SH3BGRL2: variants seen among roughly 807,000 people sequenced by gnomAD.
SH3BGRL2 encodes the protein SH3 domain binding glutamate rich protein like 2.
SH3BGRL2 carries 21 observed loss-of-function variants against 14.8 expected under a neutral mutation model. The observed-to-expected ratio is 1.42, with a 90% CI of 1.01 to 2.05. SH3BGRL2 has a LOEUF of 2.05. Among genes scored for constraint, SH3BGRL2 ranks in the 30% most tolerant of loss-of-function variants. SH3BGRL2 has a pLI of 0.00. For synonymous variants in SH3BGRL2, 50 were observed against 47.8 expected (o/e 1.05, Z -0.19); for missense variants, 147 against 130.8 (o/e 1.12, Z -0.61).
the SH3BGRL2 span, among the ~76,000 whole-genome samples, chr6:79,576,956 A>G: frequency 9.2e-5 from 14 of 152,132 alleles, no homozygotes; most frequent in Admixed American, 3.3e-4. Flanking sequence ...CTCAGTGTAC[A>G]TTTTCTCACA....
chr6:79,639,182 C>G (rs1768984572), intron 1 of SH3BGRL2, among the ~76,000 whole-genome samples: 1 of 151,790 alleles, frequency 6.6e-6, no homozygotes, highest in Non-Finnish European at 1.5e-5. Context: ...TTTTTTCTAT[C>G]AAATTAGAAA....
the SH3BGRL2 span, among the ~76,000 whole-genome samples, chr6:79,539,108 G>T: frequency 2.6e-5 from 4 of 152,064 alleles, no homozygotes; most frequent in Non-Finnish European, 5.9e-5. Context: ...CTTACAGTGT[G>T]CAATTTTATT....
At chr6:79,544,063 G>C in the SH3BGRL2 span, among the ~76,000 whole-genome samples, 5 of 152,184 alleles carry the variant, frequency 3.3e-5, no homozygotes, top group Non-Finnish European at 5.9e-5. Context: ...ACCCTGCAGG[G>C]GATAGAATAC....
chr6:79,637,362 T>C (rs1562144103), intron 1 of SH3BGRL2, among the ~76,000 whole-genome samples: 1 of 152,208 alleles, frequency 6.6e-6, no homozygotes, highest in Non-Finnish European at 1.5e-5. Flanking sequence ...TTGAAGAAAC[T>C]AATTTTTTTT....
chr6:79,593,613 C>G, the SH3BGRL2 span, among the ~76,000 whole-genome samples: 4 of 152,166 alleles, frequency 2.6e-5, no homozygotes, highest in Non-Finnish European at 4.4e-5. Flanking sequence ...AATTTCCATC[C>G]TGGTGTGGGG....
At position 79,701,987 on chromosome 6, in the gene SH3BGRL2, G is replaced by A. The variant is rs573505422; in HGVS notation, c.*2478G>A. On this transcript the variant is annotated 3_prime_UTR_variant, in exon 4 of 4. Transcript: ENST00000369838. Reference sequence around the variant, plus strand: ...CTGTAGTAGGCTTGCTGGAGCAAAGGAAATGTGCTGCTAAAAATCAACTTA... The same window carrying A: ...CTGTAGTAGGCTTGCTGGAGCAAAGAAAATGTGCTGCTAAAAATCAACTTA... The A allele has an allele frequency of 4.6e-5, 7 of 152,694 alleles. No homozygotes were observed. The highest frequency in any genetic ancestry group is 1.7e-4 in the African/African-American group (7 of 41,550). The allele number at this position is 152,694 out of a possible 1,614,324, so 9.5% of individuals were successfully genotyped here.
the SH3BGRL2 span, among the ~76,000 whole-genome samples, chr6:79,592,390 A>C: frequency 0.21 from 31,719 of 152,150 alleles, 3,509 homozygotes; most frequent in African/African-American, 0.23. Context: ...CAACAGGAGA[A>C]ATAGATATAC....
At chr6:79,551,880 A>G in the SH3BGRL2 span, among the ~76,000 whole-genome samples, 1 of 152,184 alleles carries the variant, frequency 6.6e-6, no homozygotes, top group Non-Finnish European at 1.5e-5. Context: ...ACCTGAGGTC[A>G]GGAGTTTGAG....
At chr6:79,623,338 G>A in the SH3BGRL2 span, among the ~76,000 whole-genome samples, 1 of 151,950 alleles carries the variant, frequency 6.6e-6, no homozygotes, top group Non-Finnish European at 1.5e-5. Flanking sequence ...ACAATCGGGG[G>A]CAATTAACAT....
Position 79,673,768 on chromosome 6 carries a change from C to T in SH3BGRL2, c.200C>T (p.Pro67Leu), listed in dbSNP as rs950516105. 6.2e-7 allele frequency: 1 copy of T among 1,614,002 alleles called. No homozygotes were observed. Among genetic ancestry groups the T allele is most frequent in the South Asian group, 1.1e-5 (1 of 91,064 alleles). The change falls in exon 2 of 4, where the codon CCT becomes CTT. Residue 67 changes from proline to leucine, a missense_variant. Transcript: ENST00000369838. ...KKPTQGNPLP[P>L]QIFNGDRYCG... ...CCCACTCAGGGCAACCCCCTGCCAC[C>T]TCAGATATTTAATGGCGACCGATAC...
chr6:79,653,454 A>G (rs1769344400), intron 1 of SH3BGRL2, among the ~76,000 whole-genome samples: 1 of 152,228 alleles, frequency 6.6e-6, no homozygotes, highest in African/African-American at 2.4e-5. Context: ...TTTAGAACTT[A>G]TCATCAAATT....
At chr6:79,637,338 G>A (rs561260716) in intron 1 of SH3BGRL2, among the ~76,000 whole-genome samples, 1 of 152,226 alleles carries the variant, frequency 6.6e-6, no homozygotes, top group Non-Finnish European at 1.5e-5. Context: ...GATACTTTAA[G>A]CATTTCAATC....
the SH3BGRL2 span, among the ~76,000 whole-genome samples, chr6:79,578,759 G>C: frequency 6.6e-6 from 1 of 152,164 alleles, no homozygotes; most frequent in Non-Finnish European, 1.5e-5. Flanking sequence ...AAGGATTGCA[G>C]CTCCTCGCCA....
upstream of SH3BGRL2, among the ~76,000 whole-genome samples, chr6:79,627,377 C>T (rs2127720341): frequency 6.6e-6 from 1 of 152,246 alleles, no homozygotes; most frequent in East Asian, 1.9e-4. Flanking sequence ...GACCAGGTAG[C>T]CTGAGAGTTT....
chr6:79,538,582 C>T, the SH3BGRL2 span, among the ~76,000 whole-genome samples: 1 of 152,338 alleles, frequency 6.6e-6, no homozygotes, highest in East Asian at 1.9e-4. Context: ...TAATCTGTCT[C>T]TGCTGACACT....
chr6:79,547,974 T>C, the SH3BGRL2 span, among the ~76,000 whole-genome samples: 2 of 152,132 alleles, frequency 1.3e-5, no homozygotes, highest in Non-Finnish European at 2.9e-5. Flanking sequence ...CAAGCAGTCC[T>C]CCCACCCCAG....
intron 1 of SH3BGRL2, among the ~76,000 whole-genome samples, chr6:79,641,612 G>T (rs1383245050): frequency 2.6e-5 from 4 of 152,170 alleles, no homozygotes; most frequent in Non-Finnish European, 5.9e-5. Context: ...TTTATGCATA[G>T]AAAAGCTCTT....
At chr6:79,643,225 T>G (rs1769065408) in intron 1 of SH3BGRL2, among the ~76,000 whole-genome samples, 1 of 152,206 alleles carries the variant, frequency 6.6e-6, no homozygotes, top group Non-Finnish European at 1.5e-5. Flanking sequence ...AGCTCAGCGG[T>G]AAAACCTAGA....
the SH3BGRL2 span, among the ~76,000 whole-genome samples, chr6:79,580,340 T>G: frequency 6.6e-6 from 1 of 152,206 alleles, no homozygotes; most frequent in African/African-American, 2.4e-5. Flanking sequence ...AGAATATACA[T>G]TCTTCTCAGC....
Sources: allele counts gnomAD v4.1 joint callset (sites outside exome capture counted in the v4.1 genomes callset), GRCh38; gene constraint gnomAD v4.1.1; transcripts MANE v1.5; gene names NCBI Gene and HGNC (gene_info 2026-07-23, HGNC 2026-07-21).